The following GON4L variants were observed in gnomAD, a reference collection of about 807,000 sequenced individuals.
The protein encoded by GON4L is gon-4 like.
Under a neutral mutation model 211.8 loss-of-function variants are expected in GON4L, and 87 were observed. The ratio of observed to expected loss-of-function variants is 0.41; its 90% CI spans 0.35 to 0.49. The LOEUF (loss-of-function observed/expected upper bound fraction) is 0.49, where lower values mean the gene tolerates loss of function less well. Among genes scored for constraint, GON4L ranks in the 20% least tolerant of loss-of-function variants. The pLI is 0.15. For synonymous variants in GON4L, 875 were observed against 962.6 expected, an observed-to-expected ratio of 0.91 and a Z score of 1.68; for missense variants, 2,155 against 2,659.5, an observed-to-expected ratio of 0.81 and a Z score of 4.17.
chr1:155,801,315 G>C (rs1666640654), intron 11 of GON4L, among the ~76,000 whole-genome samples: 2 of 151,840 alleles, frequency 1.3e-5, no homozygotes, highest in African/African-American at 4.8e-5. Flanking sequence ...TTGTCAAAGG[G>C]GTGAGTAATG....
downstream of GON4L, chr1:155,745,809 GC>G: frequency 1.6e-6 from 1 of 606,404 alleles, no homozygotes; most frequent in South Asian, 1.9e-5. Context: ...AGGCGCGGCG[GC>G]CCCGTGGAGC....
At position 155,750,427 on chromosome 1, in the gene GON4L, G is replaced by A. The variant is rs1660451138; in HGVS notation, c.*157C>T. 1.6e-6 allele frequency: 1 copy of A among 621,594 alleles called. No individual in the cohort carries two copies. The allele number at this position is 621,594 out of a possible 1,614,324, so 38.5% of individuals were successfully genotyped here. A position where few individuals can be genotyped will look rare whatever the true frequency, so the allele number is the denominator to read the frequency against. ...ATGCCTAGGATGGCAGAGCCCCTGGGTCCTACTCCATCCTCCAGCCTTTGT... is the reference window on the plus strand; with the variant it reads ...ATGCCTAGGATGGCAGAGCCCCTGGATCCTACTCCATCCTCCAGCCTTTGT... On this transcript the variant is annotated 3_prime_UTR_variant, in exon 32 of 32. Transcript: ENST00000368331.
intron 6 of GON4L, among the ~76,000 whole-genome samples, chr1:155,816,760 C>CTTT (rs11381169): frequency 2.5e-4 from 11 of 44,246 alleles, no homozygotes; most frequent in African/African-American, 6.3e-4. Flanking sequence ...TGCCTATGGG[C>CTTT]TTTTTTTTTT....
At position 155,750,704 on chromosome 1, in the gene GON4L, C is replaced by T; in HGVS notation, c.6606G>A (p.Gln2202=). 6.3e-7 allele frequency: 1 copy of T among 1,587,118 alleles called. No individual in the cohort carries two copies. The highest frequency in any genetic ancestry group is 8.6e-7 in the Non-Finnish European group (1 of 1,167,104). The change falls in exon 32 of 32, where the codon CAG becomes CAA. Residue 2202 remains glutamine (Q), a synonymous_variant. Coordinates refer to ENST00000368331, the MANE Select transcript of GON4L (RefSeq NM_001282860.2). ...TGGCTTCACAGGCAGTGTGGAAGAG[C>T]TGCATGAGTTCTCGAAAACGGTGGG... ...EVSHRFRELM[Q]LFHTACEASS... is the part of the protein sequence containing the mutation.
Position 155,766,493 on chromosome 1 carries a change from T to C in GON4L, c.2980A>G (p.Arg994Gly). Residue 994 changes from arginine to glycine, a missense_variant, in exon 21 of 32, where the codon AGA becomes GGA. By Grantham distance (125) the Arg-to-Gly change is moderately radical (BLOSUM62 -2). Transcript: ENST00000368331. ...VATRFPRKAW[R>G]QKRSSVLKPL... The stretch of plus-strand genomic sequence containing the variant: ...TTCAGGACTGATGAACGCTTCTGTC[T>C]CCAAGCCTTCCTGGGGAAACGGGTG... 1 of 1,614,074 alleles carries C rather than the reference T, an allele frequency of 6.2e-7. No homozygotes were observed. The highest frequency in any genetic ancestry group is 8.5e-7 in the Non-Finnish European group (1 of 1,180,008).
At chr1:155,814,509 G>C (rs1220213525) in intron 8 of GON4L, 60 bp from the exon 9 acceptor site, 1 of 1,526,546 alleles carries the variant, frequency 6.6e-7, no homozygotes, top group Admixed American at 1.7e-5. Flanking sequence ...CACAAAGTCT[G>C]AAGTATCTCA....
chr1:155,803,251 T>C (rs1033659729), intron 11 of GON4L, among the ~76,000 whole-genome samples: 3 of 150,906 alleles, frequency 2.0e-5, no homozygotes, highest in African/African-American at 7.3e-5. Context: ...CTTTTTCTTT[T>C]TTTTTTTTTT....
intron 14 of GON4L, among the ~76,000 whole-genome samples, chr1:155,778,030 C>T (rs949991865): frequency 5.3e-5 from 8 of 152,182 alleles, no homozygotes; most frequent in Admixed American, 5.2e-4. Flanking sequence ...CTATATTACA[C>T]TCTATCCCAT....
At chr1:155,858,949 C>G (rs912422876), upstream of GON4L, among the ~76,000 whole-genome samples, 5 of 152,066 alleles carry the variant, frequency 3.3e-5, no homozygotes, top group African/African-American at 7.2e-5. Context: ...CCCGCCTTGG[C>G]CTCCCAAAGG....
intron 12 of GON4L, among the ~76,000 whole-genome samples, chr1:155,787,112 C>T (rs959748446): frequency 2.6e-5 from 4 of 151,450 alleles, no homozygotes; most frequent in Non-Finnish European, 4.4e-5. Flanking sequence ...TTAGTAGAGA[C>T]GGGGTTTCAC....
intron 12 of GON4L, among the ~76,000 whole-genome samples, chr1:155,786,530 T>C (rs1664959242): frequency 6.7e-6 from 1 of 148,804 alleles, no homozygotes; most frequent in Non-Finnish European, 1.5e-5. Flanking sequence ...GATATTGTCT[T>C]AAAAAAAAAA....
intron 14 of GON4L, among the ~76,000 whole-genome samples, chr1:155,779,575 A>G (rs1664203310): frequency 6.6e-6 from 1 of 152,072 alleles, no homozygotes; most frequent in Non-Finnish European, 1.5e-5. Flanking sequence ...TCGGCCTCCC[A>G]AAGTGCTGGA....
chr1:155,772,628 C>T (rs1347001475), intron 18 of GON4L, among the ~76,000 whole-genome samples: 1 of 151,756 alleles, frequency 6.6e-6, no homozygotes, highest in East Asian at 1.9e-4. Flanking sequence ...TATGGTGGCA[C>T]ACGCCTGTGG....
chr1:155,831,542 C>T (rs2102340741), intron 2 of GON4L: 1 of 151,978 alleles, frequency 6.6e-6, no homozygotes, highest in East Asian at 1.9e-4. Flanking sequence ...TACCTGTAAG[C>T]CCAGCACTTT....
At chr1:155,792,642 C>T (rs1353036364) in intron 12 of GON4L, among the ~76,000 whole-genome samples, 1 of 152,120 alleles carries the variant, frequency 6.6e-6, no homozygotes, top group African/African-American at 2.4e-5. Flanking sequence ...AAGAAAGTAA[C>T]AATCAAAAAG....
At chr1:155,827,172 T>C (rs1465583309) in intron 2 of GON4L, 144 bp from the exon 3 acceptor site, 4 of 691,064 alleles carry the variant, frequency 5.8e-6, no homozygotes, top group Non-Finnish European at 1.0e-5. Flanking sequence ...CTCTCTTAAA[T>C]CAAAGCTCAG....
intron 10 of GON4L, among the ~76,000 whole-genome samples, chr1:155,806,701 G>A (rs1226201869): frequency 3.3e-5 from 5 of 152,028 alleles, no homozygotes; most frequent in Admixed American, 6.6e-5. Flanking sequence ...GCCTGGCCCC[G>A]AATTCCTTTT....
intron 2 of GON4L, among the ~76,000 whole-genome samples, chr1:155,835,657 C>T (rs533904471): frequency 6.6e-6 from 1 of 152,056 alleles, no homozygotes; most frequent in South Asian, 2.1e-4. Context: ...CATTTGGCAC[C>T]GTTTCATTTT....
chr1:155,814,554 T>C, intron 8 of GON4L, 105 bp from the exon 9 acceptor site: 2 of 1,189,232 alleles, frequency 1.7e-6, no homozygotes, highest in South Asian at 2.4e-5. Context: ...TCACTCAGCC[T>C]GGCCAACATG....
Sources: allele counts gnomAD v4.1 joint callset (sites outside exome capture counted in the v4.1 genomes callset), GRCh38; gene constraint gnomAD v4.1.1; transcripts MANE v1.5; gene names NCBI Gene and HGNC (gene_info 2026-07-23, HGNC 2026-07-21).